The following BSPRY variants were observed in gnomAD, a reference collection of about 807,000 sequenced individuals.
BSPRY encodes B-box and SPRY domain containing.
Under a neutral mutation model 38.0 loss-of-function variants are expected in BSPRY, and 33 were observed. The ratio of observed to expected loss-of-function variants is 0.87; its 90% confidence interval spans 0.66 to 1.16. The LOEUF (loss-of-function observed/expected upper bound fraction) is 1.16. BSPRY is among the 50% of genes most tolerant of loss of function. The pLI, the probability that BSPRY is intolerant of heterozygous loss-of-function variation, is 0.00. For synonymous variants in BSPRY, 224 were observed against 228.5 expected (o/e 0.98, Z 0.18); for missense variants, 523 against 533.2 (o/e 0.98, Z 0.19).
At chr9:113,356,230 C>T (rs575163925) in intron 2 of BSPRY, among the ~76,000 whole-genome samples, 13 of 152,116 alleles carry the variant, frequency 8.5e-5, no homozygotes, top group South Asian at 8.3e-4. Context: ...TGAGGCTGGG[C>T]GCAGTGGCTC....
At position 113,362,389 on chromosome 9, in the gene BSPRY, C is replaced by A. The variant is rs201442769; in HGVS notation, c.552C>A (p.Phe184Leu). The change falls in exon 4 of 6, where the codon TTC (phenylalanine) becomes TTA (leucine). Residue 184 changes from phenylalanine to leucine, a missense_variant. Transcript: ENST00000374183. ...LQLIQKEQEI[F>L]ERTEEAEGIL... ...CACAGCAGAAGGAGCAAGAGATTTT[C>A]GAGAGGTGAGTATAGACCCCGTGAT... 6.2e-7 allele frequency: 1 copy of A among 1,613,896 alleles called. No homozygotes were observed. Among genetic ancestry groups the A allele is most frequent in the Non-Finnish European group, 8.5e-7 (1 of 1,180,012 alleles).
chr9:113,355,370 G>A (rs1327019018), intron 2 of BSPRY, among the ~76,000 whole-genome samples: 2 of 152,118 alleles, frequency 1.3e-5, no homozygotes, highest in Non-Finnish European at 2.9e-5. Flanking sequence ...GCAAAATGGG[G>A]CATTTCCTGA....
intron 3 of BSPRY, among the ~76,000 whole-genome samples, chr9:113,361,444 A>C: frequency 6.6e-6 from 1 of 152,194 alleles, no homozygotes; most frequent in East Asian, 1.9e-4. Flanking sequence ...GAGTAACGAG[A>C]TGCAGCTGTC....
chr9:113,362,364 C>T lies in BSPRY; in HGVS notation c.532-5C>T, dbSNP rs1478619072. The T allele has an allele frequency of 3.7e-6, 6 of 1,613,986 alleles. No individual in the cohort carries two copies. In the Admixed American group the frequency reaches 6.7e-5, roughly 18 times the overall value. ...CAAGCTTGACTTTGTTTTCTTTTCT[C>T]ACAGCAGAAGGAGCAAGAGATTTTC... is the stretch of plus-strand genomic sequence containing the variant. On this transcript the variant is annotated splice_polypyrimidine_tract_variant and splice_region_variant and intron_variant, in intron 3 of 5. Transcript: ENST00000374183.
intron 4 of BSPRY, among the ~76,000 whole-genome samples, chr9:113,365,865 C>T (rs1367310124): frequency 2.2e-5 from 3 of 136,188 alleles, no homozygotes; most frequent in African/African-American, 5.7e-5. Context: ...AGTGCAGTGG[C>T]GCAATCTTGC....
intron 2 of BSPRY, 43 bp from the exon 3 acceptor site, chr9:113,360,460 CGGGG>C: frequency 6.5e-7 from 1 of 1,538,228 alleles, no homozygotes; most frequent in Non-Finnish European, 8.8e-7. Context: ...AAATCCTGAC[CGGGG>C]CTTTGCACAG....
chr9:113,367,132 A>G lies in BSPRY; in HGVS notation c.558-1127A>G, dbSNP rs1160353334. On this transcript the variant is annotated intron_variant, in intron 4 of 5. Coordinates refer to ENST00000374183, the MANE Select transcript of BSPRY (RefSeq NM_017688.3). The stretch of plus-strand genomic sequence containing the variant: ...CTGGGCTTCATCCCAGTTTTGTTCT[A>G]TTTTTGCATGGAGGCATGACTTGAA... Among the ~76,000 whole-genome samples, 6 of 152,220 alleles carry G rather than the reference A, an allele frequency of 3.9e-5. No individual in the cohort carries two copies. In the South Asian group the frequency reaches 1.2e-3, roughly 32 times the overall value.
intron 4 of BSPRY, among the ~76,000 whole-genome samples, chr9:113,365,314 T>A (rs778591149): frequency 6.6e-6 from 1 of 152,236 alleles, no homozygotes; most frequent in Non-Finnish European, 1.5e-5. Context: ...GCCTGAATTA[T>A]TCCTTTTATT....
In BSPRY at chr9:113,370,087, G is replaced by A. The variant is rs1834321439; in HGVS notation, c.1154G>A (p.Gly385Glu). ...VLCAHHVSFP[G>E]PLFPVFAVAD... Reference sequence around the variant, plus strand: ...TGTGCCCATCATGTGTCCTTCCCGGGGCCCCTCTTCCCAGTCTTTGCTGTG... The same window carrying A: ...TGTGCCCATCATGTGTCCTTCCCGGAGCCCCTCTTCCCAGTCTTTGCTGTG... Residue 385 changes from glycine to glutamate, a missense_variant, in exon 6 of 6, where the codon GGG (glycine) becomes GAG (glutamate). Physicochemically the swap from Gly to Glu is moderately conservative, Grantham distance 98. Coordinates refer to ENST00000374183, the MANE Select transcript of BSPRY (RefSeq NM_017688.3). This position sits in a 1 kb window ranked among gnomAD's most constrained non-coding sequence, Gnocchi z 4.8. The A allele has an allele frequency of 1.9e-6, 3 of 1,609,426 alleles. No homozygotes were observed. Among genetic ancestry groups the A allele is most frequent in the Admixed American group, 1.7e-5 (1 of 59,180 alleles).
intron 4 of BSPRY, among the ~76,000 whole-genome samples, chr9:113,366,707 G>C (rs1004332936): frequency 6.6e-6 from 1 of 152,206 alleles, no homozygotes; most frequent in Non-Finnish European, 1.5e-5. Context: ...ACCTGTTGGC[G>C]GGAGCTCCTG....
intron 2 of BSPRY, among the ~76,000 whole-genome samples, chr9:113,357,884 TTCTATATATATATATATATA>T (rs1244242997): frequency 1.1e-5 from 1 of 87,178 alleles, no homozygotes; most frequent in Non-Finnish European, 2.3e-5. Context: ...GCCTGTAGAG[TTCTATATATATATATATATA>T]TATATATATA....
In BSPRY at chr9:113,352,480, G is replaced by GACACACACACACACACACACAC. The variant is rs139828518; in HGVS notation, c.202-1758_202-1737dup. On this transcript the variant is annotated intron_variant, in intron 1 of 5. Transcript: ENST00000374183. The stretch of plus-strand genomic sequence containing the variant: ...ACATCTGAATGCAGTTGGGGAGTGA[G>GACACACACACACACACACACAC]ACACACACACACACACACACACAGA... Among the ~76,000 whole-genome samples, 492 of 149,882 alleles carry GACACACACACACACACACACAC rather than the reference G, an allele frequency of 3.3e-3. 2 individuals are homozygous for GACACACACACACACACACACAC. The highest frequency in any genetic ancestry group is 5.3e-3 in the Admixed American group (80 of 15,040).
chr9:113,351,702 C>A (rs1004985987), intron 1 of BSPRY, among the ~76,000 whole-genome samples: 1 of 152,162 alleles, frequency 6.6e-6, no homozygotes, highest in East Asian at 1.9e-4. Context: ...AAACGGAGAG[C>A]AAAAGCAGGG....
chr9:113,364,233 G>A (rs1304389401), intron 4 of BSPRY, among the ~76,000 whole-genome samples: 1 of 152,160 alleles, frequency 6.6e-6, no homozygotes, highest in Non-Finnish European at 1.5e-5. Flanking sequence ...TTTTATACCT[G>A]TTGTTGTGAA....
chr9:113,363,264 A>C (rs1045586751), intron 4 of BSPRY, among the ~76,000 whole-genome samples: 10 of 148,510 alleles, frequency 6.7e-5, no homozygotes, highest in African/African-American at 2.5e-4. Context: ...TGGGCAATAC[A>C]ATAAGACCTG....
At position 113,360,665 on chromosome 9, in the gene BSPRY, G is replaced by A. The variant is rs773608048; in HGVS notation, c.459G>A (p.Ala153=). The part of the protein sequence containing the change: ...ILTQRVHWAE[A]LQKLDTIRTG... Reference sequence around the variant, plus strand: ...CACAGCGGGTGCACTGGGCCGAGGCGCTGCAGAAACTTGACACCATCCGCA... The same window carrying A: ...CACAGCGGGTGCACTGGGCCGAGGCACTGCAGAAACTTGACACCATCCGCA... The change falls in exon 3 of 6, where the codon GCG becomes GCA. Residue 153 remains alanine (A), a synonymous_variant. Transcript: ENST00000374183. 67 of 1,608,068 alleles carry A rather than the reference G, an allele frequency of 4.2e-5. No homozygotes were observed. The highest frequency in any genetic ancestry group is 3.3e-4 in the South Asian group (30 of 89,852).
chr9:113,360,825 G>T, intron 3 of BSPRY, 88 bp downstream of exon 3: 1 of 1,152,128 alleles, frequency 8.7e-7, no homozygotes. Flanking sequence ...GTATGAGGAG[G>T]GTGGAAATGA....
chr9:113,366,473 A>G lies in BSPRY; in HGVS notation c.558-1786A>G, dbSNP rs1285547208. Reference sequence around the variant, plus strand: ...TAGCTGGGCTCAACTCTGACTGGACACTGCAGCAGATCCTGCCGCACCATC... The same window carrying G: ...TAGCTGGGCTCAACTCTGACTGGACGCTGCAGCAGATCCTGCCGCACCATC... On this transcript the variant is annotated intron_variant, in intron 4 of 5. Transcript: ENST00000374183. 2.0e-5 allele frequency among the ~76,000 whole-genome samples: 3 copies of G among 152,302 alleles called. No homozygotes were observed. The Middle Eastern group carries it at 0.01, about 518-fold the overall frequency.
At chr9:113,350,495 C>T (rs886794892) in intron 1 of BSPRY, among the ~76,000 whole-genome samples, 7 of 152,132 alleles carry the variant, frequency 4.6e-5, no homozygotes, top group Non-Finnish European at 8.8e-5. Context: ...CAGCTCGGCT[C>T]CAGGGTGGCC....
Sources: gnomAD v4.1 joint callset for allele counts (sites outside exome capture counted in the v4.1 genomes callset) on GRCh38, gnomAD v4.1.1 for gene constraint, Gnocchi (gnomAD v3.1) non-coding constraint, MANE v1.5 for transcripts, NCBI Gene and HGNC (gene_info 2026-07-23, HGNC 2026-07-21) for gene names.